Variants in BOD1L1 observed in about 807,000 individuals in gnomAD.
BOD1L1 encodes the protein biorientation of chromosomes in cell division 1 like 1.
BOD1L1 carries 86 observed loss-of-function variants against 240.7 expected under a neutral mutation model. The ratio of observed to expected loss-of-function variants is 0.36; its 90% CI spans 0.30 to 0.43. BOD1L1 has a LOEUF of 0.43. Ranked by LOEUF, BOD1L1 falls within the 20% of genes least tolerant of loss-of-function variation. The probability of loss-of-function intolerance (pLI) is 1.00; values close to 1 mark genes in which losing one functional copy is unlikely to be tolerated. For synonymous variants in BOD1L1, 1,268 were observed against 1,272.3 expected (o/e 1.00, Z 0.07); for missense variants, 3,554 against 3,643.5 (o/e 0.98, Z 0.63).
Position 13,602,627 on chromosome 4 carries a change from T to C in BOD1L1, c.4273A>G (p.Thr1425Ala), listed in dbSNP as rs764342979. 1 of 1,614,068 alleles carries C rather than the reference T, an allele frequency of 6.2e-7. No homozygotes were observed. The stretch of plus-strand genomic sequence containing the variant: ...CCATTCTCTACTGTTGCTTTAATTG[T>C]CTGCTTTAAATTGGGCTCTGCATTT... ...DLNAEPNLKQ[T>A]IKATVENGKK... The change falls in exon 10 of 26, where the codon ACA (threonine) becomes GCA (alanine). Residue 1425 changes from threonine (T) to alanine (A), a missense_variant. This residue lies in a region of BOD1L1 where 3,393 missense variants were observed against 3,427.1 expected (regional missense o/e 0.99). Transcript: ENST00000040738.
Position 13,602,808 on chromosome 4 carries a change from T to C in BOD1L1, c.4092A>G (p.Arg1364=). 1 of 1,613,998 alleles carries C rather than the reference T, an allele frequency of 6.2e-7. No homozygotes were observed. Among genetic ancestry groups the C allele is most frequent in the Non-Finnish European group, 8.5e-7 (1 of 1,179,878 alleles). Residue 1364 remains arginine (R), a synonymous_variant, in exon 10 of 26, where the codon AGA becomes AGG. Transcript: ENST00000040738. ...TPAKASITSK[R]HIPEAHQATL... ...TAGCCTGGTGAGCTTCTGGAATGTG[T>C]CTTTTGCTAGTGATGCTTGCTTTTG... is the stretch of plus-strand genomic sequence containing the variant.
chr4:13,582,302 T>A lies in BOD1L1; in HGVS notation c.8527A>T (p.Ser2843Cys). 6.2e-7 allele frequency: 1 copy of A among 1,613,018 alleles called. No homozygotes were observed. Among genetic ancestry groups the A allele is most frequent in the Non-Finnish European group, 8.5e-7 (1 of 1,179,388 alleles). Residue 2843 changes from serine to cysteine, a missense_variant, in exon 19 of 26, where the codon AGC becomes TGC. By Grantham distance (112) the Ser-to-Cys change is moderately radical (BLOSUM62 -1). This residue lies in a region of BOD1L1 where 3,393 missense variants were observed against 3,427.1 expected (regional missense o/e 0.99). Coordinates refer to ENST00000040738, the MANE Select transcript of BOD1L1 (RefSeq NM_148894.3). ...TTTTCACCAGTAGTTTCACTGCTGCTATATTCATCTGTAGAAAAGGAAGAA... is the reference window on the plus strand; with the variant it reads ...TTTTCACCAGTAGTTTCACTGCTGCAATATTCATCTGTAGAAAAGGAAGAA... ...SRVMEEKDEY[S>C]SSETTGEKPE...
chr4:13,582,550 T>TTA, intron 18 of BOD1L1, 102 bp downstream of exon 18: 1 of 888,514 alleles, frequency 1.1e-6, no homozygotes, highest in South Asian at 1.6e-5. Flanking sequence ...AGGCACTTTA[T>TTA]TACACAGGAA....
At position 13,602,935 on chromosome 4, in the gene BOD1L1, T is replaced by C; in HGVS notation, c.3965A>G (p.His1322Arg). 6.2e-7 allele frequency: 1 copy of C among 1,613,986 alleles called. No individual in the cohort carries two copies. The highest frequency in any genetic ancestry group is 8.5e-7 in the Non-Finnish European group (1 of 1,179,878). ...GSTASTSPAD[H>R]SALPNQSLTV... ...CAGACTTTGGTTAGGGAGAGCAGAG[T>C]GATCCGCAGGGGAGGTGCTGGCTGT... The change falls in exon 10 of 26, where the codon CAC becomes CGC. Residue 1322 changes from histidine to arginine, a missense_variant. His to Arg is a conservative substitution (Grantham distance 29). Coordinates refer to ENST00000040738, the MANE Select transcript of BOD1L1 (RefSeq NM_148894.3).
chr4:13,571,255 G>A (rs1010177074), intron 25 of BOD1L1, among the ~76,000 whole-genome samples: 4 of 152,134 alleles, frequency 2.6e-5, no homozygotes, highest in South Asian at 2.1e-4. Context: ...CATGGCAAGC[G>A]GGCAGTAAAT....
chr4:13,587,990 C>G (rs1167047528), intron 15 of BOD1L1, among the ~76,000 whole-genome samples: 1 of 152,124 alleles, frequency 6.6e-6, no homozygotes, highest in Non-Finnish European at 1.5e-5. Flanking sequence ...TCAAGACCAA[C>G]CTGGCTAACA....
Position 13,620,051 on chromosome 4 carries a change from A to C in BOD1L1, c.260T>G (p.Leu87Arg). The C allele has an allele frequency of 6.2e-7, 1 of 1,605,540 alleles. No homozygotes were observed. Among genetic ancestry groups the C allele is most frequent in the Non-Finnish European group, 8.5e-7 (1 of 1,175,376 alleles). ...DVDTKPAYQN[L>R]RQRVDNFVAN... ...AACAAAGTTGTCAACACGCTGTCTCAGATTCTGATACGCAGGCTAGAGAGA... is the reference window on the plus strand; with the variant it reads ...AACAAAGTTGTCAACACGCTGTCTCCGATTCTGATACGCAGGCTAGAGAGA... The change falls in exon 2 of 26, where the codon CTG becomes CGG. Residue 87 changes from leucine to arginine, a missense_variant. Leu to Arg is a moderately radical substitution (Grantham distance 102). Coordinates refer to ENST00000040738, the MANE Select transcript of BOD1L1 (RefSeq NM_148894.3).
At chr4:13,615,609 A>C (rs1716524877) in intron 2 of BOD1L1, 107 bp from the exon 3 acceptor site, 5 of 1,074,210 alleles carry the variant, frequency 4.7e-6, no homozygotes, top group Non-Finnish European at 6.5e-6. Flanking sequence ...CCATCCATCC[A>C]ACCTTAAATT....
chr4:13,620,366 G>A (rs971791094), intron 1 of BOD1L1, among the ~76,000 whole-genome samples: 3 of 152,198 alleles, frequency 2.0e-5, no homozygotes, highest in Admixed American at 1.3e-4. Context: ...AGCTGAGGAA[G>A]CATGCCTTCA....
intron 10 of BOD1L1, among the ~76,000 whole-genome samples, chr4:13,598,321 C>A (rs1455368721): frequency 6.6e-6 from 1 of 152,160 alleles, no homozygotes; most frequent in South Asian, 2.1e-4. Flanking sequence ...AAATAACATG[C>A]TCCTTTGATT....
chr4:13,620,288 C>A (rs1287137606), intron 1 of BOD1L1, among the ~76,000 whole-genome samples: 1 of 151,798 alleles, frequency 6.6e-6, no homozygotes, highest in African/African-American at 2.4e-5. Flanking sequence ...TATTTATAGA[C>A]AAAGGACTGG....
In BOD1L1 at chr4:13,599,063, A is replaced by C; in HGVS notation, c.7837T>G (p.Trp2613Gly). 2.5e-6 allele frequency: 4 copies of C among 1,613,946 alleles called. No individual in the cohort carries two copies. The highest frequency in any genetic ancestry group is 3.4e-6 in the Non-Finnish European group (4 of 1,179,886). Residue 2613 changes from tryptophan to glycine, a missense_variant, in exon 10 of 26, where the codon TGG (tryptophan) becomes GGG (glycine). Trp to Gly is a radical substitution (Grantham distance 184, BLOSUM62 -2). This residue lies in a region of BOD1L1 where 3,393 missense variants were observed against 3,427.1 expected (regional missense o/e 0.99). Coordinates refer to ENST00000040738, the MANE Select transcript of BOD1L1 (RefSeq NM_148894.3). ...LTIKNDYSGK[W>G]TDQASAEKTG... ...TTCTCAGCAGATGCTTGATCAGTCC[A>C]TTTGCCACTATAATCATTCTTTATA... is the stretch of plus-strand genomic sequence containing the variant.
At chr4:13,620,193 C>T (rs1040573280) in intron 1 of BOD1L1, 126 bp from the exon 2 acceptor site, 1 of 971,394 alleles carries the variant, frequency 1.0e-6, no homozygotes, top group Non-Finnish European at 1.5e-6. Context: ...TTCAAGATAA[C>T]TTACACTCAT....
intron 9 of BOD1L1, 38 bp from the exon 10 acceptor site, chr4:13,605,122 A>C (rs1018392733): frequency 7.0e-7 from 1 of 1,427,930 alleles, no homozygotes; most frequent in Non-Finnish European, 9.3e-7. Context: ...AGAAATACCA[A>C]AATCAATTTT....
chr4:13,576,017 C>T (rs1712698865), intron 25 of BOD1L1, among the ~76,000 whole-genome samples: 1 of 151,440 alleles, frequency 6.6e-6, no homozygotes, highest in South Asian at 2.1e-4. Flanking sequence ...ATTCCCCTGC[C>T]TCAGCCTCCC....
intron 1 of BOD1L1, chr4:13,626,348 AC>A (rs1717394886): frequency 6.5e-6 from 1 of 153,364 alleles, no homozygotes; most frequent in South Asian, 2.0e-4. Flanking sequence ...AAAAAAGGAA[AC>A]CCTCATTTCA....
In BOD1L1 at chr4:13,603,208, A is replaced by G. The variant is rs773923068; in HGVS notation, c.3692T>C (p.Val1231Ala). 6.2e-7 allele frequency: 1 copy of G among 1,614,022 alleles called. No homozygotes were observed. The highest frequency in any genetic ancestry group is 1.7e-5 in the Admixed American group (1 of 60,028). The change falls in exon 10 of 26, where the codon GTG (valine) becomes GCG (alanine). Residue 1231 changes from valine to alanine, a missense_variant. Coordinates refer to ENST00000040738, the MANE Select transcript of BOD1L1 (RefSeq NM_148894.3). ...KEPIHRGTTE[V>A]NIDSETVHRM... ...ATGAACAGTTTCAGAATCTATATTC[A>G]CTTCAGTAGTTCCTCTATGAATGGG...
At position 13,614,269 on chromosome 4, in the gene BOD1L1, T is replaced by C. The variant is rs1404830169; in HGVS notation, c.1101A>G (p.Lys367=). Residue 367 remains lysine, a synonymous_variant, in exon 4 of 26, where the codon AAA becomes AAG. Transcript: ENST00000040738. ...AAGGAAGTTTTAAACTCTCTACTTC[T>C]TTTTCCTTTGCTTGTTTTTCATCTT... The part of the protein sequence containing the change: ...KVKDEKQAKE[K]EVESLKLPSE... The C allele has an allele frequency of 1.9e-6, 3 of 1,546,162 alleles. No homozygotes were observed. Among genetic ancestry groups the C allele is most frequent in the Non-Finnish European group, 2.6e-6 (3 of 1,145,464 alleles).
At position 13,613,508 on chromosome 4, in the gene BOD1L1, T is replaced by C; in HGVS notation, c.1324+4A>G. 1 of 1,609,826 alleles carries C rather than the reference T, an allele frequency of 6.2e-7. No individual in the cohort carries two copies. Among genetic ancestry groups the C allele is most frequent in the Non-Finnish European group, 8.5e-7 (1 of 1,177,426 alleles). On this transcript the variant is annotated splice_donor_region_variant and intron_variant, in intron 5 of 25. Coordinates refer to ENST00000040738, the MANE Select transcript of BOD1L1 (RefSeq NM_148894.3). This position sits in a 1 kb window ranked among gnomAD's most constrained non-coding sequence, Gnocchi z 4.0. The stretch of plus-strand genomic sequence containing the variant: ...CAGAGGCATTATTATGTAAAATGCT[T>C]TACCATCTGACGTAATCTCTCCTTC...
Sources: gnomAD v4.1 joint callset for allele counts (sites outside exome capture counted in the v4.1 genomes callset) on GRCh38, gnomAD v4.1.1 for gene constraint, gnomAD v4.1.1 regional missense constraint, Gnocchi (gnomAD v3.1) non-coding constraint, MANE v1.5 for transcripts, NCBI Gene and HGNC (gene_info 2026-07-23, HGNC 2026-07-21) for gene names.